Variants in CACNB2 observed in about 807,000 individuals in gnomAD.
CACNB2 encodes voltage-dependent L-type calcium channel subunit beta-2.
CACNB2 carries 42 observed loss-of-function variants against 73.3 expected under a neutral mutation model. The observed-to-expected ratio is 0.57, with a 90% confidence interval of 0.45 to 0.74. The LOEUF is 0.74. Among genes scored for constraint, CACNB2 ranks in the 30% least tolerant of loss-of-function variants. CACNB2 has a pLI of 0.00. For missense variants in CACNB2, 940 were observed against 853.0 expected (o/e 1.10, Z -1.27); for synonymous variants, 348 against 310.3 (o/e 1.12, Z -1.28).
intron 2 of CACNB2, among the ~76,000 whole-genome samples, chr10:18,395,074 C>G (rs2043652816): frequency 6.6e-6 from 1 of 151,804 alleles, no homozygotes; most frequent in African/African-American, 2.4e-5. Context: ...TCCAGGAGTG[C>G]CTGAGTATAT....
At chr10:18,422,701 AAT>A (rs981162216) in intron 3 of CACNB2, among the ~76,000 whole-genome samples, 3 of 152,114 alleles carry the variant, frequency 2.0e-5, no homozygotes, top group African/African-American at 7.2e-5. Flanking sequence ...CTTCAAAAAA[AAT>A]TTTTTTTAAG....
intron 2 of CACNB2, chr10:18,400,543 G>A (rs1056474554): frequency 1.8e-5 from 18 of 1,020,064 alleles, no homozygotes; most frequent in Non-Finnish European, 2.1e-5. Flanking sequence ...GTGGGAGTGC[G>A]TCCTCCTCCC....
At position 18,427,260 on chromosome 10, in the gene CACNB2, T is replaced by C. The variant is rs1349244459; in HGVS notation, c.333+25217T>C. Among the ~76,000 whole-genome samples, 6 of 152,322 alleles carry C rather than the reference T, an allele frequency of 3.9e-5. No individual in the cohort carries two copies. In the South Asian group the frequency reaches 1.2e-3, roughly 32 times the overall value. On this transcript the variant is annotated intron_variant, in intron 3 of 13. Transcript: ENST00000324631. ...ATGATTTTTTTGTTGAATTTCTTAT[T>C]GCGGCAAATTTTATTAATAGATTTT...
intron 3 of CACNB2, among the ~76,000 whole-genome samples, chr10:18,492,342 C>T (rs767461282): frequency 8.5e-5 from 13 of 152,228 alleles, no homozygotes; most frequent in Middle Eastern, 6.8e-3. Flanking sequence ...AAAACCTGGC[C>T]GGGCGTGGTG....
At position 18,354,929 on chromosome 10, in the gene CACNB2, G is replaced by A. The variant is rs1197923219; in HGVS notation, c.214-46995G>A. ...AAATCCGAAATCCAAAACTTTTTGA[G>A]TACTTACGTAGGCTAGAGACACCTT... On this transcript the variant is annotated intron_variant, in intron 2 of 13. Coordinates refer to ENST00000324631, the MANE Select transcript of CACNB2 (RefSeq NM_201596.3). Among the ~76,000 whole-genome samples, 19 of 118,184 alleles carry A rather than the reference G, an allele frequency of 1.6e-4. No individual in the cohort carries two copies. The Admixed American group carries it at 1.6e-3, about 10-fold the overall frequency. 77.5% of individuals were successfully genotyped at this position (118,184 alleles called of 152,430 possible). A position where few individuals can be genotyped will look rare whatever the true frequency, so the allele number is the denominator to read the frequency against.
At chr10:18,450,406 T>C (rs2046958891) in intron 3 of CACNB2, among the ~76,000 whole-genome samples, 2 of 152,046 alleles carry the variant, frequency 1.3e-5, no homozygotes, top group Admixed American at 1.3e-4. Flanking sequence ...TTAGTAATTA[T>C]TGAAGAATAA....
At chr10:18,349,649 T>C (rs1041540579) in intron 2 of CACNB2, among the ~76,000 whole-genome samples, 3 of 150,902 alleles carry the variant, frequency 2.0e-5, no homozygotes, top group Admixed American at 2.0e-4. Context: ...TCTAGAATGG[T>C]GGTTTCCAGG....
At chr10:18,180,111 G>A (rs2033798450) in intron 2 of CACNB2, among the ~76,000 whole-genome samples, 1 of 152,156 alleles carries the variant, frequency 6.6e-6, no homozygotes. Context: ...GGAGAACTCC[G>A]AGGCCATATA....
At chr10:18,180,995 G>T (rs2033845626) in intron 2 of CACNB2, among the ~76,000 whole-genome samples, 1 of 131,962 alleles carries the variant, frequency 7.6e-6, no homozygotes, top group Non-Finnish European at 1.6e-5. Flanking sequence ...AACAAAAAAA[G>T]AAATATAAGA....
chr10:18,235,563 A>C (rs1262090540), intron 2 of CACNB2, among the ~76,000 whole-genome samples: 1 of 152,208 alleles, frequency 6.6e-6, no homozygotes, highest in Non-Finnish European at 1.5e-5. Context: ...AAGAGACAGA[A>C]GGGGTCTGTT....
At chr10:18,175,779 G>A (rs531410760) in intron 2 of CACNB2, among the ~76,000 whole-genome samples, 37 of 152,210 alleles carry the variant, frequency 2.4e-4, no homozygotes, top group African/African-American at 7.9e-4. Flanking sequence ...TGTATTTTTC[G>A]TAGAGATGGG....
chr10:18,341,506 G>A (rs193233995), intron 2 of CACNB2, among the ~76,000 whole-genome samples: 7 of 152,174 alleles, frequency 4.6e-5, no homozygotes, highest in Non-Finnish European at 2.9e-5. Flanking sequence ...AGGACTGACT[G>A]TTTGGGTCTT....
intron 3 of CACNB2, among the ~76,000 whole-genome samples, chr10:18,471,706 C>T (rs11598027): frequency 0.12 from 18,494 of 152,126 alleles, 1,260 homozygotes; most frequent in Admixed American, 0.18. Context: ...TCTTCATTTG[C>T]AAAGTGGGAA....
intron 7 of CACNB2, chr10:18,514,633 A>C: frequency 7.4e-7 from 1 of 1,359,122 alleles, no homozygotes; most frequent in South Asian, 1.2e-5. Context: ...CCAAGCAAAG[A>C]ACCTATCAAC....
chr10:18,509,436 C>A (rs537095122), intron 6 of CACNB2, among the ~76,000 whole-genome samples: 1 of 152,310 alleles, frequency 6.6e-6, no homozygotes, highest in East Asian at 1.9e-4. Flanking sequence ...CCCACACACA[C>A]GTGTGTACAT....
At chr10:18,501,721 A>G (rs1421410333) in intron 5 of CACNB2, among the ~76,000 whole-genome samples, 1 of 152,220 alleles carries the variant, frequency 6.6e-6, no homozygotes, top group Non-Finnish European at 1.5e-5. Flanking sequence ...TCCATCTTAC[A>G]TCTTATTTGT....
intron 3 of CACNB2, among the ~76,000 whole-genome samples, chr10:18,434,292 T>A (rs527861992): frequency 6.6e-6 from 1 of 152,296 alleles, no homozygotes; most frequent in African/African-American, 2.4e-5. Context: ...GCACTTCAAA[T>A]ATTTCAGGGA....
chr10:18,278,957 C>T (rs1413053832), intron 2 of CACNB2, among the ~76,000 whole-genome samples: 1 of 152,048 alleles, frequency 6.6e-6, no homozygotes, highest in East Asian at 1.9e-4. Context: ...GTCAAGGCTG[C>T]AGTGAGCCAT....
chr10:18,383,378 A>C (rs2043095717), intron 2 of CACNB2, among the ~76,000 whole-genome samples: 1 of 152,228 alleles, frequency 6.6e-6, no homozygotes, highest in Non-Finnish European at 1.5e-5. Flanking sequence ...AAGTGGGTAT[A>C]AGCAGAGAGA....
Sources: allele counts gnomAD v4.1 joint callset (sites outside exome capture counted in the v4.1 genomes callset), GRCh38; gene constraint gnomAD v4.1.1; transcripts MANE v1.5; gene names NCBI Gene and HGNC (gene_info 2026-07-23, HGNC 2026-07-21).